FAM234B: variants seen among roughly 807,000 people sequenced by gnomAD.
FAM234B encodes family with sequence similarity 234 member B.
A neutral mutation model predicts 69.3 loss-of-function variants in FAM234B; 33 were observed. That is an observed-to-expected ratio of 0.48 (90% CI 0.36 to 0.64). The LOEUF is 0.64. Among genes scored for constraint, FAM234B ranks in the 30% least tolerant of loss-of-function variants. The pLI is 0.00. For missense variants in FAM234B, 697 were observed against 769.7 expected (o/e 0.91, Z 1.12); for synonymous variants, 306 against 306.9 (o/e 1.00, Z 0.03).
intron 10 of FAM234B, among the ~76,000 whole-genome samples, chr12:13,074,307 GA>G (rs755582192): frequency 2.0e-5 from 3 of 152,136 alleles, no homozygotes; most frequent in Non-Finnish European, 4.4e-5. Flanking sequence ...ACTACAAAAA[GA>G]AAAGAGCCAT....
rs1591597668 is a variant in FAM234B, at chr12:13,058,471, G to A, written c.454G>A (p.Glu152Lys). Residue 152 changes from glutamate to lysine, a missense_variant, in exon 3 of 13, where the codon GAA (glutamate) becomes AAA (lysine). By Grantham distance (56) the Glu-to-Lys change is moderately conservative. This residue lies in a region of FAM234B where 380 missense variants were observed against 447.1 expected (regional missense o/e 0.85). Coordinates refer to ENST00000197268, the MANE Select transcript of FAM234B (RefSeq NM_020853.2). The part of the protein sequence containing the change: ...SQGGGDLSPL[E>K]LADVNGDGLR... The stretch of plus-strand genomic sequence containing the variant: ...AACAGGTGGGGACCTGTCTCCATTG[G>A]AATTGGCTGATGTGAATGGAGATGG... 6.2e-7 allele frequency: 1 copy of A among 1,614,034 alleles called. No homozygotes were observed. The highest frequency in any genetic ancestry group is 1.1e-5 in the South Asian group (1 of 91,080).
intron 11 of FAM234B, 70 bp downstream of exon 11, chr12:13,076,213 G>GGTCTCATTAC: frequency 8.6e-7 from 1 of 1,163,240 alleles, no homozygotes; most frequent in Non-Finnish European, 1.3e-6. Flanking sequence ...TGTGTGTAAT[G>GGTCTCATTAC]AGACCATTGC....
intron 12 of FAM234B, among the ~76,000 whole-genome samples, chr12:13,080,281 G>C (rs915550354): frequency 7.2e-5 from 11 of 152,130 alleles, no homozygotes; most frequent in Non-Finnish European, 1.5e-4. Flanking sequence ...GACTGACAGG[G>C]GTGGCTACGA....
chr12:13,058,475 T>C lies in FAM234B; in HGVS notation c.458T>C (p.Leu153Ser). The change falls in exon 3 of 13, where the codon TTG (leucine) becomes TCG (serine). Residue 153 changes from leucine to serine, a missense_variant. Physicochemically the swap from Leu to Ser is moderately radical, Grantham distance 145. This residue lies in a region of FAM234B where 380 missense variants were observed against 447.1 expected (regional missense o/e 0.85). Coordinates refer to ENST00000197268, the MANE Select transcript of FAM234B (RefSeq NM_020853.2). Reference sequence around the variant, plus strand: ...GGTGGGGACCTGTCTCCATTGGAATTGGCTGATGTGAATGGAGATGGCCTG... The same window carrying C: ...GGTGGGGACCTGTCTCCATTGGAATCGGCTGATGTGAATGGAGATGGCCTG... ...QGGGDLSPLE[L>S]ADVNGDGLRD... The C allele has an allele frequency of 3.7e-6, 6 of 1,614,128 alleles. No individual in the cohort carries two copies. Among genetic ancestry groups the C allele is most frequent in the Non-Finnish European group, 5.1e-6 (6 of 1,180,006 alleles).
intron 1 of FAM234B, among the ~76,000 whole-genome samples, chr12:13,051,248 T>G (rs1437509234): frequency 6.6e-6 from 1 of 152,250 alleles, no homozygotes; most frequent in African/African-American, 2.4e-5. Flanking sequence ...TATGCTTCTC[T>G]TCCTCCCTGC....
At chr12:13,052,543 G>A (rs1864887122) in intron 1 of FAM234B, among the ~76,000 whole-genome samples, 2 of 152,034 alleles carry the variant, frequency 1.3e-5, no homozygotes, top group Non-Finnish European at 2.9e-5. Flanking sequence ...CCAATCTCTA[G>A]TACTTTTTCA....
At chr12:13,057,647 A>G (rs1307659282) in intron 2 of FAM234B, among the ~76,000 whole-genome samples, 4 of 152,168 alleles carry the variant, frequency 2.6e-5, no homozygotes, top group Non-Finnish European at 5.9e-5. Context: ...ACCGATTTAC[A>G]TTTCCACTAG....
chr12:13,070,210 T>G (rs867843786), intron 9 of FAM234B, among the ~76,000 whole-genome samples: 1 of 140,532 alleles, frequency 7.1e-6, no homozygotes, highest in Non-Finnish European at 1.6e-5. Flanking sequence ...TATATATATA[T>G]AAAATGAAAT....
At chr12:13,066,183 TTCTC>T (rs1865034641) in intron 5 of FAM234B, among the ~76,000 whole-genome samples, 1 of 152,202 alleles carries the variant, frequency 6.6e-6, no homozygotes, top group Admixed American at 6.5e-5. Flanking sequence ...AAGTTTGCTG[TTCTC>T]TCTTTGAGAA....
chr12:13,062,134 T>C (rs900016517), intron 4 of FAM234B: 1 of 168,060 alleles, frequency 6.0e-6, no homozygotes, highest in Non-Finnish European at 1.3e-5. Flanking sequence ...CTTAAAAAAA[T>C]ACGTCAGTGA....
chr12:13,064,996 A>G lies in FAM234B; in HGVS notation c.853-1644A>G, dbSNP rs573479480. Among the ~76,000 whole-genome samples, 6 of 152,266 alleles carry G rather than the reference A, an allele frequency of 3.9e-5. No individual in the cohort carries two copies. In the South Asian group the frequency reaches 1.2e-3, roughly 32 times the overall value. The stretch of plus-strand genomic sequence containing the variant: ...ACCATTTGGTTAACTTTCTCACACC[A>G]TGCTATGATCTCTGGTTCAGCATTA... On this transcript the variant is annotated intron_variant, in intron 5 of 12. Transcript: ENST00000197268.
In FAM234B at chr12:13,076,118, C is replaced by G. The variant is rs1291152792; in HGVS notation, c.1617C>G (p.Thr539=). The change falls in exon 11 of 13, where the codon ACC becomes ACG. Residue 539 remains threonine, a synonymous_variant. Coordinates refer to ENST00000197268, the MANE Select transcript of FAM234B (RefSeq NM_020853.2). ...FPSILLDLAN[T]TGTVTASEVG... Reference sequence around the variant, plus strand: ...CCATCCTTCTGGATCTGGCCAACACCACCGGCACAGTGACGGCTTCAGAGG... The same window carrying G: ...CCATCCTTCTGGATCTGGCCAACACGACCGGCACAGTGACGGCTTCAGAGG... 1.9e-6 allele frequency: 3 copies of G among 1,613,844 alleles called. No individual in the cohort carries two copies. In the African/African-American group the frequency reaches 4.0e-5, roughly 22 times the overall value.
chr12:13,052,240 G>A (rs938216492), intron 1 of FAM234B, among the ~76,000 whole-genome samples: 1 of 152,106 alleles, frequency 6.6e-6, no homozygotes, highest in Non-Finnish European at 1.5e-5. Flanking sequence ...GGAGGCCAGT[G>A]GATTCCCTAA....
At chr12:13,057,976 G>T (rs1299436679) in intron 2 of FAM234B, among the ~76,000 whole-genome samples, 2 of 152,232 alleles carry the variant, frequency 1.3e-5, no homozygotes. Context: ...AGTGGGTGGA[G>T]CTGGGCTGAT....
intron 2 of FAM234B, among the ~76,000 whole-genome samples, chr12:13,056,864 T>C (rs1183238674): frequency 3.9e-5 from 6 of 152,212 alleles, no homozygotes; most frequent in Non-Finnish European, 8.8e-5. Context: ...TGTTGATTAT[T>C]CCTTTTTCTG....
intron 3 of FAM234B, among the ~76,000 whole-genome samples, chr12:13,061,282 G>T (rs1864979408): frequency 6.6e-6 from 1 of 152,210 alleles, no homozygotes; most frequent in Admixed American, 6.5e-5. Flanking sequence ...ATTTAGTTGG[G>T]GCCGAGGTGG....
chr12:13,047,530 G>A (rs564447979), intron 1 of FAM234B, among the ~76,000 whole-genome samples: 3 of 152,186 alleles, frequency 2.0e-5, no homozygotes, highest in Non-Finnish European at 4.4e-5. Context: ...TCCTGAAAAC[G>A]TTTGGGTATG....
At chr12:13,050,455 A>G (rs1466556826) in intron 1 of FAM234B, among the ~76,000 whole-genome samples, 1 of 151,990 alleles carries the variant, frequency 6.6e-6, no homozygotes, top group Non-Finnish European at 1.5e-5. Flanking sequence ...ACTTTTCCTC[A>G]TTCGGTCCTA....
intron 5 of FAM234B, among the ~76,000 whole-genome samples, chr12:13,064,288 T>C (rs187938462): frequency 1.3e-5 from 2 of 152,380 alleles, no homozygotes; most frequent in South Asian, 2.1e-4. Flanking sequence ...ATCTTTTTTA[T>C]CCTAGCCATT....
Sources: gnomAD v4.1 joint callset for allele counts (sites outside exome capture counted in the v4.1 genomes callset) on GRCh38, gnomAD v4.1.1 for gene constraint, gnomAD v4.1.1 regional missense constraint, MANE v1.5 for transcripts, NCBI Gene and HGNC (gene_info 2026-07-23, HGNC 2026-07-21) for gene names.